Variants in EVC2 observed in about 807,000 individuals in gnomAD.
EVC2 encodes EvC ciliary complex subunit 2.
Under a neutral mutation model 149.3 loss-of-function variants are expected in EVC2, and 148 were observed. That is an observed-to-expected ratio of 0.99 (90% CI 0.87 to 1.14). EVC2 has a LOEUF of 1.14. EVC2 is among the 50% of genes most tolerant of loss of function. EVC2 has a pLI of 0.00. For missense variants in EVC2, 1,854 were observed against 1,627.3 expected, an observed-to-expected ratio of 1.14 and a Z score of -2.40; for synonymous variants, 776 against 649.9, an observed-to-expected ratio of 1.19 and a Z score of -2.95.
At chr4:5,545,806 C>A (rs1721605492) in intron 21 of EVC2, among the ~76,000 whole-genome samples, 1 of 152,080 alleles carries the variant, frequency 6.6e-6, no homozygotes, top group Non-Finnish European at 1.5e-5. Context: ...AAATAAAAAT[C>A]CATTTTCTAG....
At chr4:5,565,400 C>A (rs1407475828) in intron 20 of EVC2, 41 bp from the exon 21 acceptor site, 1 of 1,586,568 alleles carries the variant, frequency 6.3e-7, no homozygotes. Context: ...AAAAATACGC[C>A]TGTAATCCCA....
intron 9 of EVC2, among the ~76,000 whole-genome samples, chr4:5,647,997 G>C (rs1394660926): frequency 1.3e-5 from 2 of 152,206 alleles, no homozygotes; most frequent in Non-Finnish European, 2.9e-5. Flanking sequence ...AGGCCAGGAA[G>C]GGAACGTCCC....
chr4:5,619,105 G>C (rs1715494432), intron 14 of EVC2, among the ~76,000 whole-genome samples: 1 of 152,200 alleles, frequency 6.6e-6, no homozygotes, highest in African/African-American at 2.4e-5. Flanking sequence ...GGAAATGAGA[G>C]TCCCTTATGA....
chr4:5,681,126 C>T, intron 7 of EVC2, 134 bp downstream of exon 7: 1 of 987,436 alleles, frequency 1.0e-6, no homozygotes, highest in Admixed American at 1.8e-5. Flanking sequence ...AGAGACTGCA[C>T]AGAGTCCCAG....
chr4:5,606,133 T>C (rs544005027), intron 16 of EVC2, among the ~76,000 whole-genome samples: 1 of 152,350 alleles, frequency 6.6e-6, no homozygotes, highest in Admixed American at 6.5e-5. Flanking sequence ...ACAAAATGCC[T>C]AAATCTTGTT....
At chr4:5,568,707 T>C in intron 19 of EVC2, 67 bp from the exon 20 acceptor site, 1 of 1,486,504 alleles carries the variant, frequency 6.7e-7, no homozygotes, top group Non-Finnish European at 9.2e-7. Flanking sequence ...ATTTTTAATT[T>C]ATCACATTCT....
chr4:5,699,008 C>A (rs1721661222), intron 1 of EVC2, among the ~76,000 whole-genome samples: 1 of 152,190 alleles, frequency 6.6e-6, no homozygotes, highest in African/African-American at 2.4e-5. Context: ...TGTGTTTCAG[C>A]CCCAGTCCTT....
the EVC2 span, among the ~76,000 whole-genome samples, chr4:5,534,214 T>C: frequency 7.6e-4 from 116 of 152,024 alleles, no homozygotes; most frequent in Non-Finnish European, 1.3e-3. Flanking sequence ...TTTTAGAGAG[T>C]TGCTGTATGA....
chr4:5,685,505 T>C (rs780536216), intron 5 of EVC2, 26 bp from the exon 6 acceptor site: 1 of 1,606,548 alleles, frequency 6.2e-7, no homozygotes, highest in Non-Finnish European at 8.5e-7. Flanking sequence ...CACATGTGAC[T>C]CAGGGAGGGC....
At chr4:5,530,055 A>G in the EVC2 span, among the ~76,000 whole-genome samples, 2 of 152,172 alleles carry the variant, frequency 1.3e-5, no homozygotes, top group Non-Finnish European at 2.9e-5. Flanking sequence ...ACCTCAGGTG[A>G]TCTGCCCTTG....
intron 16 of EVC2, among the ~76,000 whole-genome samples, chr4:5,600,927 G>A (rs909213873): frequency 6.6e-5 from 10 of 152,196 alleles, no homozygotes; most frequent in African/African-American, 2.4e-4. Context: ...AGGCACATCT[G>A]AAAACACAGG....
At chr4:5,678,716 C>T (rs1331864096) in intron 7 of EVC2, among the ~76,000 whole-genome samples, 2 of 152,254 alleles carry the variant, frequency 1.3e-5, no homozygotes, top group Non-Finnish European at 2.9e-5. Flanking sequence ...AACTGTAACA[C>T]GTACTAAGTA....
At chr4:5,671,493 T>G (rs905056065) in intron 7 of EVC2, among the ~76,000 whole-genome samples, 1 of 152,242 alleles carries the variant, frequency 6.6e-6, no homozygotes, top group African/African-American at 2.4e-5. Flanking sequence ...CCCTTTTTAA[T>G]ATTTCAAACA....
intron 1 of EVC2, among the ~76,000 whole-genome samples, chr4:5,706,370 A>C (rs1375029538): frequency 1.4e-4 from 8 of 57,660 alleles, no homozygotes; most frequent in Admixed American, 3.8e-4. Flanking sequence ...AGATAGATAC[A>C]TAGATAGATA....
chr4:5,577,388 G>A (rs1405098600), intron 17 of EVC2, among the ~76,000 whole-genome samples: 1 of 152,148 alleles, frequency 6.6e-6, no homozygotes, highest in Non-Finnish European at 1.5e-5. Context: ...AGGCAGGAGG[G>A]CCCCAGGCCT....
At chr4:5,587,257 C>T (rs1219077002) in intron 16 of EVC2, among the ~76,000 whole-genome samples, 2 of 152,176 alleles carry the variant, frequency 1.3e-5, no homozygotes, top group Non-Finnish European at 2.9e-5. Context: ...ACCTCTTAAG[C>T]AATTATTCCC....
downstream of EVC2, among the ~76,000 whole-genome samples, chr4:5,561,979 G>T (rs1177284675): frequency 1.3e-5 from 2 of 152,104 alleles, no homozygotes; most frequent in South Asian, 4.2e-4. Context: ...ACCATGATGT[G>T]GCCCAGCCCC....
At chr4:5,557,519 A>C (rs1490945355), downstream of EVC2, among the ~76,000 whole-genome samples, 6 of 152,168 alleles carry the variant, frequency 3.9e-5, no homozygotes, top group Non-Finnish European at 8.8e-5. Context: ...TCCTCTTACA[A>C]CTTCTATTCA....
intron 6 of EVC2, among the ~76,000 whole-genome samples, chr4:5,684,573 C>A (rs1430068710): frequency 1.5e-5 from 1 of 65,550 alleles, no homozygotes; most frequent in Non-Finnish European, 3.4e-5. Context: ...CCAGCCTGTA[C>A]CCGGGGTGTG....
Sources: allele counts gnomAD v4.1 joint callset (sites outside exome capture counted in the v4.1 genomes callset), GRCh38; gene constraint gnomAD v4.1.1; transcripts MANE v1.5; gene names NCBI Gene and HGNC (gene_info 2026-07-23, HGNC 2026-07-21).